HERC3: variants seen among roughly 807,000 people sequenced by gnomAD.
HERC3 encodes the protein HECT and RLD domain containing E3 ubiquitin protein ligase 3, also known as probable E3 ubiquitin-protein ligase HERC3.
Under a neutral mutation model 129.9 loss-of-function variants are expected in HERC3, and 58 were observed. The ratio of observed to expected loss-of-function variants is 0.45; its 90% CI spans 0.36 to 0.56. HERC3 has a LOEUF of 0.56. HERC3 is among the 20% of genes least tolerant of loss of function. HERC3 has a pLI of 0.00. For synonymous variants in HERC3, 430 were observed against 451.0 expected, an observed-to-expected ratio of 0.95 and a Z score of 0.59; for missense variants, 835 against 1,244.2, an observed-to-expected ratio of 0.67 and a Z score of 4.95.
chr4:88,681,274 A>G lies in HERC3; in HGVS notation c.2456A>G (p.Asn819Ser). 3.7e-6 allele frequency: 6 copies of G among 1,614,042 alleles called. No individual in the cohort carries two copies. The highest frequency in any genetic ancestry group is 1.6e-4 in the Middle Eastern group (1 of 6,062). The change falls in exon 21 of 26, where the codon AAT becomes AGT. Residue 819 changes from asparagine to serine, a missense_variant. Asn to Ser is a conservative substitution (Grantham distance 46). Coordinates refer to ENST00000402738, the MANE Select transcript of HERC3 (RefSeq NM_014606.3). ...TTGGCTCTCTACAAGAAGTTACTCA[A>G]TGTAAAGCCTGGCTTGGAAGACTTA... ...FPLALYKKLL[N>S]VKPGLEDLKE...
chr4:88,549,283 A>G, the HERC3 span, among the ~76,000 whole-genome samples: 7 of 151,654 alleles, frequency 4.6e-5, no homozygotes, highest in South Asian at 1.2e-3. Flanking sequence ...TAAATCTCAT[A>G]TATTCCTTAG....
At chr4:88,700,602 T>C (rs941896951) in intron 23 of HERC3, among the ~76,000 whole-genome samples, 1 of 152,100 alleles carries the variant, frequency 6.6e-6, no homozygotes, top group Non-Finnish European at 1.5e-5. Context: ...CACATCTGCG[T>C]TTTTAGGTAT....
intron 16 of HERC3, among the ~76,000 whole-genome samples, chr4:88,673,360 A>G (rs1177337884): frequency 6.6e-6 from 1 of 152,112 alleles, no homozygotes; most frequent in Admixed American, 6.6e-5. Context: ...TTGCAGCCAC[A>G]TTTAGGAGAT....
At chr4:88,557,855 G>A in the HERC3 span, among the ~76,000 whole-genome samples, 2,240 of 151,876 alleles carry the variant, frequency 0.015, 57 homozygotes, top group African/African-American at 0.051. Flanking sequence ...TCAGGAGTTC[G>A]AGACCAGCCT....
chr4:88,649,638 A>G (rs148930315), intron 3 of HERC3, among the ~76,000 whole-genome samples: 19 of 152,264 alleles, frequency 1.2e-4, no homozygotes, highest in African/African-American at 4.3e-4. Context: ...ACTATAGTAT[A>G]TCTGGGATGT....
chr4:88,685,309 G>T (rs1215359337), intron 21 of HERC3, among the ~76,000 whole-genome samples: 1 of 152,136 alleles, frequency 6.6e-6, no homozygotes, highest in Non-Finnish European at 1.5e-5. Flanking sequence ...TATGTTTATT[G>T]CAGCACTATT....
chr4:88,533,694 C>A, the HERC3 span, among the ~76,000 whole-genome samples: 1 of 152,206 alleles, frequency 6.6e-6, no homozygotes, highest in African/African-American at 2.4e-5. Flanking sequence ...TGGCTTTCAG[C>A]ACTTTGATCT....
intron 3 of HERC3, among the ~76,000 whole-genome samples, chr4:88,626,850 G>T (rs1341344102): frequency 6.6e-6 from 1 of 151,528 alleles, no homozygotes; most frequent in Non-Finnish European, 1.5e-5. Flanking sequence ...ATAAGTTTTT[G>T]GTTTCAATGA....
At chr4:88,674,236 A>G (rs1731920008) in intron 16 of HERC3, among the ~76,000 whole-genome samples, 1 of 152,020 alleles carries the variant, frequency 6.6e-6, no homozygotes, top group Non-Finnish European at 1.5e-5. Flanking sequence ...TGGGGGTTAC[A>G]GGAAGAGGGT....
chr4:88,672,020 A>G (rs1179605029), intron 16 of HERC3, among the ~76,000 whole-genome samples: 1 of 152,176 alleles, frequency 6.6e-6, no homozygotes, highest in Admixed American at 6.5e-5. Context: ...AATAAGCCTG[A>G]TGAATTATTT....
chr4:88,649,858 C>T lies in HERC3; in HGVS notation c.245C>T (p.Ala82Val). ...GNKPEQIGAL[A>V]DQHIIHVACG... is the part of the protein sequence containing the mutation. ...CTTTCAGAACAAATTGGAGCTCTGGCAGATCAGCATATCATTCATGTGGCA... is the reference window on the plus strand; with the variant it reads ...CTTTCAGAACAAATTGGAGCTCTGGTAGATCAGCATATCATTCATGTGGCA... The change falls in exon 4 of 26, where the codon GCA (alanine) becomes GTA (valine). Residue 82 changes from alanine (A) to valine (V), a missense_variant. Transcript: ENST00000402738. The T allele has an allele frequency of 1.9e-6, 3 of 1,613,860 alleles. No homozygotes were observed. Among genetic ancestry groups the T allele is most frequent in the Non-Finnish European group, 2.5e-6 (3 of 1,179,904 alleles).
the HERC3 span, among the ~76,000 whole-genome samples, chr4:88,552,805 G>C: frequency 6.6e-6 from 1 of 152,070 alleles, no homozygotes. Context: ...TGCTTGCCCT[G>C]TCCATAACCT....
At chr4:88,622,187 G>T (rs555756232) in intron 3 of HERC3, among the ~76,000 whole-genome samples, 8 of 152,238 alleles carry the variant, frequency 5.3e-5, no homozygotes, top group Admixed American at 5.2e-4. Context: ...TCTACTTTCT[G>T]TTTCTATAGA....
chr4:88,595,841 C>CTTTT (rs532515500), intron 2 of HERC3, among the ~76,000 whole-genome samples: 6 of 80,300 alleles, frequency 7.5e-5, no homozygotes, highest in Non-Finnish European at 7.1e-5. Context: ...GCACTTAATT[C>CTTTT]TTTTTTTTTT....
intron 11 of HERC3, among the ~76,000 whole-genome samples, chr4:88,663,459 A>G (rs1482591334): frequency 6.6e-6 from 1 of 152,146 alleles, no homozygotes; most frequent in Non-Finnish European, 1.5e-5. Flanking sequence ...CTGTTTTCTT[A>G]TTTATAAAAT....
intron 3 of HERC3, among the ~76,000 whole-genome samples, chr4:88,616,191 C>T (rs2149212343): frequency 6.6e-6 from 1 of 150,596 alleles, no homozygotes; most frequent in Middle Eastern, 3.4e-3. Flanking sequence ...TTAATTTTTG[C>T]AGTTCTTTAC....
chr4:88,540,868 ATACTT>A, the HERC3 span, among the ~76,000 whole-genome samples: 17 of 152,332 alleles, frequency 1.1e-4, no homozygotes, highest in African/African-American at 3.1e-4. Flanking sequence ...GAGAAATAAA[ATACTT>A]TATAGACAAG....
Position 88,693,452 on chromosome 4 carries a change from A to C in HERC3, c.2657+6153A>C, listed in dbSNP as rs148998472. On this transcript the variant is annotated intron_variant, in intron 23 of 25. Transcript: ENST00000402738. ...GTGTATTCTTTAAAAAAAAAGTTGC[A>C]TTTCTTTCACACATAGGCTACTTTA... 1.6e-4 allele frequency: 158 copies of C among 973,420 alleles called. 3 individuals carry two copies. The Middle Eastern group carries it at 2.6e-3, about 16-fold the overall frequency. 60.3% of individuals were successfully genotyped at this position (973,420 alleles called of 1,614,324 possible). A position where few individuals can be genotyped will look rare whatever the true frequency, so the allele number is the denominator to read the frequency against.
intron 21 of HERC3, 127 bp from the exon 22 acceptor site, chr4:88,686,609 A>G: frequency 1.6e-6 from 1 of 620,360 alleles, no homozygotes; most frequent in Non-Finnish European, 2.9e-6. Flanking sequence ...GTCCGGATTT[A>G]TGTTTATTCC....
Sources: gnomAD v4.1 joint callset for allele counts (sites outside exome capture counted in the v4.1 genomes callset) on GRCh38, gnomAD v4.1.1 for gene constraint, MANE v1.5 for transcripts, NCBI Gene and HGNC (gene_info 2026-07-23, HGNC 2026-07-21) for gene names.